The following RFTN1 variants were observed in gnomAD, a reference collection of about 807,000 sequenced individuals.
RFTN1 encodes the protein raftlin, lipid raft linker 1.
In RFTN1, 26 loss-of-function variants were observed where a neutral mutation model predicts 46.5. The ratio of observed to expected loss-of-function variants is 0.56; its 90% confidence interval spans 0.41 to 0.78. RFTN1 has a LOEUF of 0.78. Ranked by LOEUF, RFTN1 falls within the 30% of genes least tolerant of loss-of-function variation. The pLI is 0.00. For synonymous variants in RFTN1, 261 were observed against 284.2 expected (o/e 0.92, Z 0.82); for missense variants, 693 against 718.7 (o/e 0.96, Z 0.41).
chr3:16,390,280 G>A (rs2074314633), intron 4 of RFTN1, among the ~76,000 whole-genome samples: 1 of 152,190 alleles, frequency 6.6e-6, no homozygotes, highest in South Asian at 2.1e-4. Flanking sequence ...TTTGTAAAGT[G>A]TAAAATCTAA....
At chr3:16,423,058 C>A (rs377224004) in intron 3 of RFTN1, among the ~76,000 whole-genome samples, 2 of 151,908 alleles carry the variant, frequency 1.3e-5, no homozygotes, top group South Asian at 2.1e-4. Flanking sequence ...GTCCCAGCTC[C>A]TTGGGAGGCT....
chr3:16,503,630 C>T (rs2076750652), intron 1 of RFTN1, among the ~76,000 whole-genome samples: 1 of 152,154 alleles, frequency 6.6e-6, no homozygotes, highest in African/African-American at 2.4e-5. Context: ...ACCCTCACCT[C>T]CAGGACTGAG....
intron 4 of RFTN1, among the ~76,000 whole-genome samples, chr3:16,408,938 C>A (rs1248612039): frequency 6.6e-6 from 1 of 152,196 alleles, no homozygotes; most frequent in Non-Finnish European, 1.5e-5. Context: ...GAATTCCCTG[C>A]AACTACGCAG....
rs1559334547 is a variant in RFTN1 at position 16,413,735 on chromosome 3, A to G, written c.333-4252T>C. ...CCAATTAAATAAAGACACTCTGAGG[A>G]GAGCATGACTAATAATAAAATATGC... On this transcript the variant is annotated intron_variant, in intron 3 of 9. Transcript: ENST00000334133. The surrounding 1 kb of genome is among the most constrained non-coding windows in gnomAD (Gnocchi z 4.7). Among the ~76,000 whole-genome samples the G allele has an allele frequency of 6.6e-6, 1 of 152,262 alleles. No homozygotes were observed. The highest frequency in any genetic ancestry group is 1.5e-5 in the Non-Finnish European group (1 of 68,052).
In RFTN1 at chr3:16,324,620, C is replaced by CCCA. The variant is rs971398885; in HGVS notation, c.1251-1164_1251-1163insTGG. ...AATAACAGAATGTCCCTGACCCCCC[C>CCCA]CCTTTTAAGGTTGCATAGTATTCCA... On this transcript the variant is annotated intron_variant, in intron 8 of 9. Coordinates refer to ENST00000334133, the MANE Select transcript of RFTN1 (RefSeq NM_015150.2). Among the ~76,000 whole-genome samples the CCCA allele has an allele frequency of 1.4e-5, 2 of 142,888 alleles. 1 individual carries two copies. Among genetic ancestry groups the CCCA allele is most frequent in the African/African-American group, 5.2e-5 (2 of 38,360 alleles). The allele number at this position is 142,888 out of a possible 152,430, so 93.7% of individuals were successfully genotyped here.
At position 16,486,824 on chromosome 3, in the gene RFTN1, T is replaced by A. The variant is rs551920396; in HGVS notation, c.145+6901A>T. Among the ~76,000 whole-genome samples the A allele has an allele frequency of 2.6e-5, 4 of 152,338 alleles. No individual in the cohort carries two copies. The East Asian group carries it at 7.7e-4, about 29-fold the overall frequency. On this transcript the variant is annotated intron_variant, in intron 2 of 9. Coordinates refer to ENST00000334133, the MANE Select transcript of RFTN1 (RefSeq NM_015150.2). The stretch of plus-strand genomic sequence containing the variant: ...TTCCAAATCATCCTAACCCCTAAAG[T>A]GACTACATTTGGAGTAAGAAAGTAA...
Position 16,506,355 on chromosome 3 carries a change from G to A in RFTN1, c.-9+7087C>T, listed in dbSNP as rs1300965445. Among the ~76,000 whole-genome samples the A allele has an allele frequency of 6.6e-5, 10 of 152,130 alleles. No individual in the cohort carries two copies. Among genetic ancestry groups the A allele is most frequent in the Non-Finnish European group, 1.0e-4 (7 of 68,020 alleles). On this transcript the variant is annotated intron_variant, in intron 1 of 9. Coordinates refer to ENST00000334133, the MANE Select transcript of RFTN1 (RefSeq NM_015150.2). This position sits in a 1 kb window ranked among gnomAD's most constrained non-coding sequence, Gnocchi z 4.8. ...GACAGAGCGTAGGCCTGGCCGGGCC[G>A]TGAGCACTTCAGCTTTACCCTGACT...
At position 16,384,723 on chromosome 3, in the gene RFTN1, C is replaced by G. The variant is rs1268433864; in HGVS notation, c.442-6621G>C. Among the ~76,000 whole-genome samples, 1 of 152,122 alleles carries G rather than the reference C, an allele frequency of 6.6e-6. No homozygotes were observed. Among genetic ancestry groups the G allele is most frequent in the Non-Finnish European group, 1.5e-5 (1 of 68,030 alleles). On this transcript the variant is annotated intron_variant, in intron 4 of 9. Transcript: ENST00000334133. The surrounding 1 kb of genome is among the most constrained non-coding windows in gnomAD (Gnocchi z 4.7). ...GAGAGCTGTGCTGTCCAATAGGTAG[C>G]CACTAGCCACATGTGGCTATTTAAA...
Position 16,316,574 on chromosome 3 carries a change from A to G in RFTN1, c.*254T>C. ...TGGAGCCAGGACTGGGCCTTCAGCC[A>G]TGAGGGCTAGAATAACCTGACCTCT... On this transcript the variant is annotated 3_prime_UTR_variant, in exon 10 of 10. Coordinates refer to ENST00000334133, the MANE Select transcript of RFTN1 (RefSeq NM_015150.2). The surrounding 1 kb of genome is among the most constrained non-coding windows in gnomAD (Gnocchi z 4.5). 3.8e-6 allele frequency: 2 copies of G among 527,610 alleles called. No individual in the cohort carries two copies. The highest frequency in any genetic ancestry group is 2.1e-5 in the South Asian group (1 of 48,248). 32.7% of individuals were successfully genotyped at this position (527,610 alleles called of 1,614,324 possible).
intron 2 of RFTN1, among the ~76,000 whole-genome samples, chr3:16,445,471 T>TCC (rs2075709233): frequency 1.1e-5 from 1 of 91,334 alleles, no homozygotes; most frequent in African/African-American, 4.7e-5. Flanking sequence ...TCTCTTTCTC[T>TCC]CTCTCTCTCT....
chr3:16,458,280 G>T lies in RFTN1; in HGVS notation c.146-24243C>A, dbSNP rs765666303. 6.6e-6 allele frequency among the ~76,000 whole-genome samples: 1 copy of T among 152,192 alleles called. No homozygotes were observed. The highest frequency in any genetic ancestry group is 2.4e-5 in the African/African-American group (1 of 41,432). On this transcript the variant is annotated intron_variant, in intron 2 of 9. Coordinates refer to ENST00000334133, the MANE Select transcript of RFTN1 (RefSeq NM_015150.2). The surrounding 1 kb of genome is among the most constrained non-coding windows in gnomAD (Gnocchi z 5.1). ...ATAGAGGTGTACAAAGCCAGCAGGG[G>T]CAAGCATGGAAATAGATTGCTGCAG...
chr3:16,494,555 A>G (rs2076594132), intron 1 of RFTN1, among the ~76,000 whole-genome samples: 1 of 152,242 alleles, frequency 6.6e-6, no homozygotes, highest in Non-Finnish European at 1.5e-5. Flanking sequence ...TAGCAGGGAT[A>G]GAGCAATTGG....
intron 2 of RFTN1, among the ~76,000 whole-genome samples, chr3:16,461,399 C>A (rs915850962): frequency 1.3e-5 from 2 of 152,098 alleles, no homozygotes; most frequent in African/African-American, 4.8e-5. Context: ...TTTATATTTC[C>A]ATTTTTAATT....
chr3:16,496,645 G>A (rs1414226114), intron 1 of RFTN1, among the ~76,000 whole-genome samples: 1 of 152,174 alleles, frequency 6.6e-6, no homozygotes, highest in Non-Finnish European at 1.5e-5. Flanking sequence ...GTGTGAATTG[G>A]TACAACCACC....
chr3:16,492,785 G>T (rs1428615101), intron 2 of RFTN1, among the ~76,000 whole-genome samples: 2 of 152,108 alleles, frequency 1.3e-5, no homozygotes, highest in East Asian at 3.8e-4. Flanking sequence ...ATTTGTATGG[G>T]TCTCCTGTCT....
rs1445395501 is a variant in RFTN1, at chr3:16,458,681, A to T, written c.146-24644T>A. 6.6e-6 allele frequency among the ~76,000 whole-genome samples: 1 copy of T among 152,224 alleles called. No homozygotes were observed. The highest frequency in any genetic ancestry group is 1.5e-5 in the Non-Finnish European group (1 of 68,040). On this transcript the variant is annotated intron_variant, in intron 2 of 9. Transcript: ENST00000334133. The surrounding 1 kb of genome is among the most constrained non-coding windows in gnomAD (Gnocchi z 5.1). ...CTTATTTAGATGTCAAATTCCAGCA[A>T]CTAAAAACTCAGATCCACAAAACAG...
intron 4 of RFTN1, among the ~76,000 whole-genome samples, chr3:16,391,868 TGTTTTTTTTTTTTGTTTTTTTTTTTG>T (rs759659589): frequency 6.6e-5 from 7 of 106,058 alleles, no homozygotes; most frequent in South Asian, 5.8e-4. Context: ...GTTTTTTTTT[TGTTTTTTTTTTTTGTTTTTTTTTTTG>T]TTTTTTTTAC....
At chr3:16,399,290 T>A (rs2074547957) in intron 4 of RFTN1, among the ~76,000 whole-genome samples, 1 of 151,988 alleles carries the variant, frequency 6.6e-6, no homozygotes, top group East Asian at 1.9e-4. Flanking sequence ...AAAAACAACC[T>A]CAGAACTATC....
At chr3:16,477,511 A>G (rs753303590) in intron 2 of RFTN1, among the ~76,000 whole-genome samples, 24 of 152,264 alleles carry the variant, frequency 1.6e-4, no homozygotes, top group Non-Finnish European at 3.4e-4. Context: ...AGGGAAACCT[A>G]GTTTAAAAAA....
Sources: gnomAD v4.1 joint callset for allele counts (sites outside exome capture counted in the v4.1 genomes callset) on GRCh38, gnomAD v4.1.1 for gene constraint, Gnocchi (gnomAD v3.1) non-coding constraint, MANE v1.5 for transcripts, NCBI Gene and HGNC (gene_info 2026-07-23, HGNC 2026-07-21) for gene names.